ACOXL: variants seen among roughly 807,000 people sequenced by gnomAD.
ACOXL encodes acyl-CoA oxidase like, also known as acyl-coenzyme A oxidase-like protein.
In ACOXL, 70 loss-of-function variants were observed where a neutral mutation model predicts 71.9. The observed-to-expected ratio is 0.97, with a 90% CI of 0.80 to 1.19. The LOEUF (loss-of-function observed/expected upper bound fraction) is 1.19, where lower values mean the gene tolerates loss of function less well. Among genes scored for constraint, ACOXL ranks in the 50% most tolerant of loss-of-function variants. ACOXL has a pLI of 0.00. For missense variants in ACOXL, 703 were observed against 736.3 expected (o/e 0.95, Z 0.52); for synonymous variants, 253 against 281.6 (o/e 0.90, Z 1.02).
intron 16 of ACOXL, among the ~76,000 whole-genome samples, chr2:111,069,145 C>CTTTTTTTTTT (rs1234410019): frequency 1.3e-4 from 17 of 135,284 alleles, no homozygotes; most frequent in Non-Finnish European, 2.1e-4. Flanking sequence ...TCTTCTTTTT[C>CTTTTTTTTTT]TTTTTTTTTT....
Position 110,773,525 on chromosome 2 carries a change from C to G in ACOXL, c.75+5061C>G, listed in dbSNP as rs571595976. Among the ~76,000 whole-genome samples, 4 of 152,310 alleles carry G rather than the reference C, an allele frequency of 2.6e-5. No homozygotes were observed. The East Asian group carries it at 7.7e-4, about 29-fold the overall frequency. On this transcript the variant is annotated intron_variant, in intron 2 of 17. Transcript: ENST00000439055. ...CCACAACTTCCAGTGCCAGCCCCAG[C>G]GAGTGCTGCAGACTGTGACCGCTGT... is the stretch of plus-strand genomic sequence containing the variant.
At chr2:110,921,396 C>CT (rs1047782997) in intron 11 of ACOXL, among the ~76,000 whole-genome samples, 2 of 130,636 alleles carry the variant, frequency 1.5e-5, no homozygotes, top group Non-Finnish European at 3.4e-5. Flanking sequence ...CCACCCCCCC[C>CT]CCCCTTTTTT....
At chr2:110,747,685 G>A (rs1332139056) in intron 1 of ACOXL, among the ~76,000 whole-genome samples, 1 of 152,192 alleles carries the variant, frequency 6.6e-6, no homozygotes, top group African/African-American at 2.4e-5. Flanking sequence ...ATCCTGGCAG[G>A]GGAGGAAGAG....
chr2:110,832,563 AAAG>A (rs1689976486), intron 9 of ACOXL, among the ~76,000 whole-genome samples: 1 of 151,682 alleles, frequency 6.6e-6, no homozygotes, highest in Non-Finnish European at 1.5e-5. Flanking sequence ...AAAAAAAAAA[AAAG>A]AACAAACTAG....
At chr2:110,810,157 G>C (rs1041482856) in intron 9 of ACOXL, among the ~76,000 whole-genome samples, 1 of 152,206 alleles carries the variant, frequency 6.6e-6, no homozygotes, top group Non-Finnish European at 1.5e-5. Context: ...AGGTTACTCA[G>C]CCTCCTCACA....
At chr2:111,020,871 G>A (rs2064722992) in intron 14 of ACOXL, among the ~76,000 whole-genome samples, 1 of 152,228 alleles carries the variant, frequency 6.6e-6, no homozygotes, top group African/African-American at 2.4e-5. Context: ...AGACTCCTCT[G>A]TAAAAGCAGA....
intron 10 of ACOXL, among the ~76,000 whole-genome samples, chr2:110,858,917 TA>T (rs1466901779): frequency 3.9e-4 from 60 of 152,352 alleles, no homozygotes; most frequent in African/African-American, 1.1e-3. Flanking sequence ...AGTTTTGAAA[TA>T]TTTAATCCTT....
At chr2:110,860,339 G>A (rs1007653788) in intron 10 of ACOXL, among the ~76,000 whole-genome samples, 3 of 152,180 alleles carry the variant, frequency 2.0e-5, no homozygotes, top group South Asian at 2.1e-4. Flanking sequence ...TTGAACTCCC[G>A]ACCTCAAGTG....
chr2:111,031,330 GAAC>G (rs2065253393), intron 14 of ACOXL, among the ~76,000 whole-genome samples: 2 of 152,206 alleles, frequency 1.3e-5, no homozygotes, highest in Non-Finnish European at 2.9e-5. Flanking sequence ...GACCCAATCA[GAAC>G]AGCCTCACTT....
At chr2:111,111,496 AG>A (rs1344985978) in intron 17 of ACOXL, among the ~76,000 whole-genome samples, 1 of 152,272 alleles carries the variant, frequency 6.6e-6, no homozygotes, top group African/African-American at 2.4e-5. Context: ...CTTTGTCTGT[AG>A]AAAATGCTAC....
intron 15 of ACOXL, among the ~76,000 whole-genome samples, chr2:111,039,400 AACC>A (rs1187261590): frequency 7.1e-6 from 1 of 141,710 alleles, no homozygotes; most frequent in Non-Finnish European, 1.6e-5. Context: ...GAAACATGAG[AACC>A]AAAAAGAAAA....
chr2:110,828,225 G>A (rs187126968), intron 9 of ACOXL, among the ~76,000 whole-genome samples: 3 of 152,308 alleles, frequency 2.0e-5, no homozygotes, highest in Admixed American at 6.5e-5. Flanking sequence ...ACCTGCCTCG[G>A]CTTCTCCATG....
At chr2:110,995,754 G>C in intron 13 of ACOXL, 139 bp from the exon 14 acceptor site, 1 of 612,256 alleles carries the variant, frequency 1.6e-6, no homozygotes, top group Non-Finnish European at 2.9e-6. Flanking sequence ...GTGAGAGATG[G>C]GATGGGGAGA....
chr2:111,106,463 AAC>A (rs1163650011), intron 17 of ACOXL, among the ~76,000 whole-genome samples: 1 of 152,120 alleles, frequency 6.6e-6, no homozygotes, highest in Non-Finnish European at 1.5e-5. Context: ...TGCTCATTGA[AAC>A]AGTTTTATAA....
chr2:110,786,586 T>G (rs1201820597), intron 3 of ACOXL, among the ~76,000 whole-genome samples: 1 of 152,220 alleles, frequency 6.6e-6, no homozygotes, highest in African/African-American at 2.4e-5. Context: ...CACCCTACTC[T>G]GCCATCTACT....
chr2:110,960,678 T>A (rs1222955462), intron 12 of ACOXL, among the ~76,000 whole-genome samples: 1 of 140,892 alleles, frequency 7.1e-6, no homozygotes, highest in Non-Finnish European at 1.6e-5. Context: ...TTTTTTTTTT[T>A]AATGTATAAA....
intron 11 of ACOXL, among the ~76,000 whole-genome samples, chr2:110,924,940 A>G (rs1193887712): frequency 1.3e-5 from 2 of 152,168 alleles, no homozygotes; most frequent in African/African-American, 2.4e-5. Context: ...TGCTTGATCC[A>G]GGGACTGGAG....
chr2:111,107,053 G>A (rs763733386), intron 17 of ACOXL, among the ~76,000 whole-genome samples: 2 of 152,178 alleles, frequency 1.3e-5, no homozygotes, highest in Admixed American at 6.5e-5. Flanking sequence ...TGTGGTCTCC[G>A]CTGACACCAT....
At chr2:110,844,377 C>G (rs1168916990) in intron 10 of ACOXL, among the ~76,000 whole-genome samples, 1 of 152,096 alleles carries the variant, frequency 6.6e-6, no homozygotes, top group African/African-American at 2.4e-5. Context: ...GGGGACAAAC[C>G]TACCTTCTGG....
Sources: allele counts gnomAD v4.1 joint callset (sites outside exome capture counted in the v4.1 genomes callset), GRCh38; gene constraint gnomAD v4.1.1; transcripts MANE v1.5; gene names NCBI Gene and HGNC (gene_info 2026-07-23, HGNC 2026-07-21).